CASP5: variants seen among roughly 807,000 people sequenced by gnomAD.
CASP5 encodes the protein caspase-5.
CASP5 carries 42 observed loss-of-function variants against 45.2 expected under a neutral mutation model. That is an observed-to-expected ratio of 0.93 (90% CI 0.73 to 1.20). The LOEUF (loss-of-function observed/expected upper bound fraction) is 1.20. Ranked by LOEUF, CASP5 falls within the 50% of genes most tolerant of loss-of-function variation. The pLI is 0.00. For missense variants in CASP5, 512 were observed against 532.2 expected, an observed-to-expected ratio of 0.96 and a Z score of 0.37; for synonymous variants, 209 against 186.2, an observed-to-expected ratio of 1.12 and a Z score of -1.00.
chr11:105,019,331 C>A lies in CASP5; in HGVS notation c.7+3799G>T, dbSNP rs1209292540. On this transcript the variant is annotated intron_variant, in intron 1 of 9. Transcript: ENST00000260315. ...AGAGCAGAACTGAAGGAAATAGAGA[C>A]ACAAAAAACCCTTCAAAAAATTAAT... is the stretch of plus-strand genomic sequence containing the variant. Among the ~76,000 whole-genome samples the A allele has an allele frequency of 7.3e-5, 11 of 149,950 alleles. 1 individual carries two copies. In the South Asian group the frequency reaches 2.3e-3, roughly 32 times the overall value.
chr11:105,005,352 ATATATG>A (rs1418192464), intron 3 of CASP5, among the ~76,000 whole-genome samples: 5 of 131,918 alleles, frequency 3.8e-5, no homozygotes, highest in African/African-American at 1.4e-4. Flanking sequence ...GTGTGTATAT[ATATATG>A]TGTGTGTGTG....
At chr11:105,012,212 G>A (rs970177472) in intron 1 of CASP5, among the ~76,000 whole-genome samples, 1 of 151,638 alleles carries the variant, frequency 6.6e-6, no homozygotes, top group Non-Finnish European at 1.5e-5. Context: ...AATGATGTTG[G>A]GAAAATTAAA....
At chr11:104,997,988 A>G (rs192874804) in intron 7 of CASP5, among the ~76,000 whole-genome samples, 2 of 152,346 alleles carry the variant, frequency 1.3e-5, no homozygotes, top group East Asian at 3.9e-4. Flanking sequence ...AGATTAAAAT[A>G]TAGAAAAATA....
rs778327197 is a variant in CASP5, at chr11:105,002,151, T to A, written c.594A>T (p.Ile198=). ...GCAGGTGATCAAACTTTGTATTGCA[T>A]ATGATGAGAGCCAGGCGTCTGCGGT... ...REDRRRLALI[I]CNTKFDHLPA... Residue 198 remains isoleucine (I), a synonymous_variant, in exon 5 of 10, where the codon ATA becomes ATT. Coordinates refer to ENST00000260315, the MANE Select transcript of CASP5 (RefSeq NM_004347.5). 5 of 1,614,138 alleles carry A rather than the reference T, an allele frequency of 3.1e-6. No homozygotes were observed. The South Asian group carries it at 5.5e-5, about 18-fold the overall frequency.
At chr11:105,019,119 T>G (rs1391561155) in intron 1 of CASP5, among the ~76,000 whole-genome samples, 21 of 150,644 alleles carry the variant, frequency 1.4e-4, no homozygotes, top group African/African-American at 4.9e-4. Context: ...AGAACAAAGA[T>G]ACAACATACC....
rs147628822 is a variant in CASP5, at chr11:105,001,162, T to A, written c.718-667A>T. The stretch of plus-strand genomic sequence containing the variant: ...CAACATTCTCTCTCATGTTTCCTTT[T>A]TGCTTACTTTGGATTCTCTTGTTAT... On this transcript the variant is annotated intron_variant, in intron 5 of 9. Coordinates refer to ENST00000260315, the MANE Select transcript of CASP5 (RefSeq NM_004347.5). 6.9e-3 allele frequency among the ~76,000 whole-genome samples: 1,055 copies of A among 152,338 alleles called. 15 individuals carry two copies. The highest frequency in any genetic ancestry group is 0.024 in the African/African-American group (1,010 of 41,570).
At chr11:105,010,480 C>CATT (rs199584676) in intron 1 of CASP5, among the ~76,000 whole-genome samples, 1 of 124,546 alleles carries the variant, frequency 8.0e-6, no homozygotes, top group Non-Finnish European at 1.8e-5. Flanking sequence ...CAGTAATTAT[C>CATT]ATTATACTGA....
intron 1 of CASP5, among the ~76,000 whole-genome samples, chr11:105,017,319 C>T (rs1444872019): frequency 1.3e-5 from 2 of 152,234 alleles, no homozygotes; most frequent in Non-Finnish European, 2.9e-5. Flanking sequence ...ATGACTTTGA[C>T]AAGCTGAGAG....
rs75888233 is a variant in CASP5, at chr11:105,012,971, C to T, written c.8-3991G>A. ...TCAGTGTGTTGAAAAGACATATACA[C>T]TTCCATTGTGATTGCAGCATTATTC... On this transcript the variant is annotated intron_variant, in intron 1 of 9. Coordinates refer to ENST00000260315, the MANE Select transcript of CASP5 (RefSeq NM_004347.5). 6.0e-3 allele frequency among the ~76,000 whole-genome samples: 915 copies of T among 152,054 alleles called. 10 individuals are homozygous for T. The highest frequency in any genetic ancestry group is 0.021 in the African/African-American group (864 of 41,534).
intron 1 of CASP5, among the ~76,000 whole-genome samples, chr11:105,021,222 A>G (rs905917008): frequency 4.0e-5 from 6 of 151,274 alleles, no homozygotes; most frequent in South Asian, 2.1e-4. Flanking sequence ...GAAAACCTAG[A>G]CATTACCATT....
chr11:105,002,161 G>A lies in CASP5; in HGVS notation c.584C>T (p.Ala195Val). 6.2e-7 allele frequency: 1 copy of A among 1,614,086 alleles called. No individual in the cohort carries two copies. Among genetic ancestry groups the A allele is most frequent in the African/African-American group, 1.3e-5 (1 of 75,026 alleles). The part of the protein sequence containing the change: ...IKKREDRRRL[A>V]LIICNTKFDH... ...AAACTTTGTATTGCATATGATGAGA[G>A]CCAGGCGTCTGCGGTCCTCTCTCTT... The change falls in exon 5 of 10, where the codon GCT (alanine) becomes GTT (valine). Residue 195 changes from alanine to valine, a missense_variant. By Grantham distance (64) the Ala-to-Val change is moderately conservative. Coordinates refer to ENST00000260315, the MANE Select transcript of CASP5 (RefSeq NM_004347.5).
chr11:105,004,646 A>G (rs1861915228), intron 3 of CASP5, among the ~76,000 whole-genome samples: 2 of 152,164 alleles, frequency 1.3e-5, no homozygotes, highest in Admixed American at 1.3e-4. Flanking sequence ...TATTTTTTAT[A>G]TATCAATCAT....
At chr11:105,013,688 G>A (rs926964890) in intron 1 of CASP5, among the ~76,000 whole-genome samples, 2 of 151,956 alleles carry the variant, frequency 1.3e-5, no homozygotes, top group Admixed American at 6.6e-5. Context: ...TGTGGATCCC[G>A]TATGGAAACC....
rs199566482 is a variant in CASP5 at position 104,997,522 on chromosome 11, G to A, written c.1097-30C>T. 6.7e-5 allele frequency: 92 copies of A among 1,366,540 alleles called. 1 individual carries two copies. In the East Asian group the frequency reaches 1.1e-3, roughly 16 times the overall value. The allele number at this position is 1,366,540 out of a possible 1,614,324, so 84.7% of individuals were successfully genotyped here. On this transcript the variant is annotated intron_variant, in intron 7 of 9. Transcript: ENST00000260315. ...GATGATACAGCCTGGTATGCCTTGGGCTACGACTTTCACTATGTTTTTGTT... is the reference window on the plus strand; with the variant it reads ...GATGATACAGCCTGGTATGCCTTGGACTACGACTTTCACTATGTTTTTGTT...
At chr11:104,994,888 TG>T (rs1182110830) in intron 9 of CASP5, among the ~76,000 whole-genome samples, 6 of 152,214 alleles carry the variant, frequency 3.9e-5, no homozygotes, top group African/African-American at 1.4e-4. Context: ...TACCTATAGT[TG>T]AGCATGTATT....
chr11:105,014,392 GT>G (rs1336736406), intron 1 of CASP5, among the ~76,000 whole-genome samples: 9 of 151,908 alleles, frequency 5.9e-5, no homozygotes, highest in Non-Finnish European at 1.3e-4. Flanking sequence ...GGGTAGCATA[GT>G]TTTTTACCTT....
At chr11:105,009,792 CGT>C (rs1491131432) in intron 1 of CASP5, among the ~76,000 whole-genome samples, 8,084 of 88,468 alleles carry the variant, frequency 0.091, 574 homozygotes, top group Admixed American at 0.17. Context: ...TATATACACA[CGT>C]ATATATATAT....
At position 105,002,185 on chromosome 11, in the gene CASP5, T is replaced by A; in HGVS notation, c.560A>T (p.Lys187Met). 1 of 1,613,920 alleles carries A rather than the reference T, an allele frequency of 6.2e-7. No homozygotes were observed. The highest frequency in any genetic ancestry group is 1.3e-5 in the African/African-American group (1 of 75,030). ...AGCCAGGCGTCTGCGGTCCTCTCTC[T>A]TTTTTATTGGATAGATCTGCAGGAG... The part of the protein sequence containing the change: ...KNHDEIYPIK[K>M]REDRRRLALI... Residue 187 changes from lysine (K) to methionine (M), a missense_variant, in exon 5 of 10, where the codon AAG becomes ATG. By Grantham distance (95) the Lys-to-Met change is moderately conservative. Coordinates refer to ENST00000260315, the MANE Select transcript of CASP5 (RefSeq NM_004347.5).
At chr11:105,009,816 TATATATATACAC>T (rs1862223921) in intron 1 of CASP5, among the ~76,000 whole-genome samples, 1 of 105,514 alleles carries the variant, frequency 9.5e-6, no homozygotes, top group East Asian at 3.0e-4. Context: ...TACACACACA[TATATATATACAC>T]ATATATATAT....
Sources: gnomAD v4.1 joint callset for allele counts (sites outside exome capture counted in the v4.1 genomes callset) on GRCh38, gnomAD v4.1.1 for gene constraint, MANE v1.5 for transcripts, NCBI Gene and HGNC (gene_info 2026-07-23, HGNC 2026-07-21) for gene names.